The following APBB2 variants were observed in gnomAD, a reference collection of about 807,000 sequenced individuals.
APBB2 encodes the protein amyloid beta precursor protein binding family B member 2.
Under a neutral mutation model 82.5 loss-of-function variants are expected in APBB2, and 38 were observed. That is an observed-to-expected ratio of 0.46 (90% CI 0.36 to 0.60). The LOEUF is 0.60. Ranked by LOEUF, APBB2 falls within the 20% of genes least tolerant of loss-of-function variation. APBB2 has a pLI of 0.00. For synonymous variants in APBB2, 341 were observed against 368.2 expected (o/e 0.93, Z 0.85); for missense variants, 772 against 972.3 (o/e 0.79, Z 2.74).
chr4:41,083,660 C>T (rs2153937861), intron 3 of APBB2, among the ~76,000 whole-genome samples: 1 of 124,542 alleles, frequency 8.0e-6, no homozygotes, highest in East Asian at 2.3e-4. Context: ...TGCACTCCAG[C>T]CTGGAGACAG....
intron 1 of APBB2, among the ~76,000 whole-genome samples, chr4:41,160,265 AAGCCCAT>A (rs1309720812): frequency 3.9e-5 from 6 of 152,190 alleles, no homozygotes; most frequent in African/African-American, 1.4e-4. Flanking sequence ...GAAATGACGG[AAGCCCAT>A]AGCTTATGAA....
intron 6 of APBB2, among the ~76,000 whole-genome samples, chr4:40,976,986 C>A (rs768733009): frequency 5.3e-5 from 8 of 152,070 alleles, no homozygotes; most frequent in Admixed American, 4.6e-4. Flanking sequence ...GAGGTCGAGG[C>A]TACAGTGAGC....
At chr4:40,818,770 T>A (rs4861316) in intron 17 of APBB2, among the ~76,000 whole-genome samples, 30,728 of 152,110 alleles carry the variant, frequency 0.2, 3,554 homozygotes, top group East Asian at 0.36. Context: ...AGATAACAAG[T>A]GTTCAACGCC....
chr4:41,079,782 C>T (rs1226636606), intron 3 of APBB2, among the ~76,000 whole-genome samples: 1 of 152,090 alleles, frequency 6.6e-6, no homozygotes, highest in African/African-American at 2.4e-5. Context: ...CTCTTGACCT[C>T]GTGATCCACC....
chr4:41,082,149 T>C (rs1737864161), intron 3 of APBB2, among the ~76,000 whole-genome samples: 1 of 152,226 alleles, frequency 6.6e-6, no homozygotes, highest in South Asian at 2.1e-4. Flanking sequence ...GGGGCCATTT[T>C]CTGTCAGATA....
chr4:41,201,510 A>C (rs1313448393), intron 1 of APBB2, among the ~76,000 whole-genome samples: 6 of 152,244 alleles, frequency 3.9e-5, no homozygotes, highest in Non-Finnish European at 8.8e-5. Context: ...TTCACATGTT[A>C]TCACAGTAAA....
At chr4:41,000,737 T>A (rs568410134) in intron 6 of APBB2, among the ~76,000 whole-genome samples, 4 of 152,124 alleles carry the variant, frequency 2.6e-5, no homozygotes, top group Non-Finnish European at 1.5e-5. Context: ...CATTCCAGAT[T>A]ATTACCAATC....
chr4:41,160,770 T>TA (rs1450234129), intron 1 of APBB2, among the ~76,000 whole-genome samples: 1 of 152,164 alleles, frequency 6.6e-6, no homozygotes, highest in Non-Finnish European at 1.5e-5. Flanking sequence ...CAAATGTGCT[T>TA]AAACCTCAAC....
chr4:40,867,177 C>G (rs1331149026), intron 12 of APBB2, among the ~76,000 whole-genome samples: 1 of 152,156 alleles, frequency 6.6e-6, no homozygotes, highest in African/African-American at 2.4e-5. Context: ...GGTGCTTTTG[C>G]CTACCATGGC....
intron 2 of APBB2, among the ~76,000 whole-genome samples, chr4:41,119,082 C>T (rs1752008273): frequency 6.6e-6 from 1 of 151,650 alleles, no homozygotes; most frequent in Admixed American, 6.6e-5. Context: ...GAGGCTGCGG[C>T]AAACCGAGAT....
chr4:41,186,259 T>C (rs954415130), intron 1 of APBB2, among the ~76,000 whole-genome samples: 1 of 152,218 alleles, frequency 6.6e-6, no homozygotes, highest in Admixed American at 6.5e-5. Flanking sequence ...CTATGTTTTT[T>C]TAAAGAGCAG....
chr4:41,146,825 T>C (rs1305559081), intron 1 of APBB2, among the ~76,000 whole-genome samples: 1 of 152,120 alleles, frequency 6.6e-6, no homozygotes, highest in East Asian at 1.9e-4. Context: ...TTCCCGACTG[T>C]GCATCAGGGC....
intron 4 of APBB2, among the ~76,000 whole-genome samples, chr4:41,050,662 T>C (rs902290216): frequency 8.6e-5 from 13 of 151,960 alleles, no homozygotes; most frequent in African/African-American, 2.9e-4. Flanking sequence ...TTACTAACCA[T>C]GCACAATTAG....
At chr4:41,100,306 C>T (rs1169726171) in intron 3 of APBB2, among the ~76,000 whole-genome samples, 6 of 152,196 alleles carry the variant, frequency 3.9e-5, no homozygotes, top group Non-Finnish European at 8.8e-5. Flanking sequence ...GCTCAGACAA[C>T]TGGACTCACT....
chr4:40,860,314 C>T (rs995462592), intron 12 of APBB2, among the ~76,000 whole-genome samples: 3 of 152,188 alleles, frequency 2.0e-5, no homozygotes, highest in African/African-American at 4.8e-5. Context: ...ATCAGCTCCA[C>T]CTCTGGAGGG....
intron 10 of APBB2, among the ~76,000 whole-genome samples, chr4:40,901,810 C>G (rs573318503): frequency 2.0e-5 from 3 of 152,014 alleles, no homozygotes; most frequent in African/African-American, 7.2e-5. Flanking sequence ...CCACCGCGCT[C>G]GGCCACACTT....
chr4:40,906,477 A>C (rs975355538), intron 10 of APBB2, among the ~76,000 whole-genome samples: 3 of 150,604 alleles, frequency 2.0e-5, no homozygotes, highest in Non-Finnish European at 4.4e-5. Flanking sequence ...AAAAAAAAAA[A>C]AAAAAAAAAA....
chr4:40,956,837 T>TTGTCTATTTTTATCAAGCATGTTGGCATA (rs1791754671), intron 6 of APBB2, among the ~76,000 whole-genome samples: 1 of 152,174 alleles, frequency 6.6e-6, no homozygotes, highest in African/African-American at 2.4e-5. Flanking sequence ...ATTACATACT[T>TTGTCTATTTTTATCAAGCATGTTGGCATA]TGTCTATTTT....
intron 3 of APBB2, among the ~76,000 whole-genome samples, chr4:41,086,827 T>TA (rs532989856): frequency 8.0e-5 from 12 of 149,240 alleles, no homozygotes; most frequent in East Asian, 3.9e-4. Context: ...GCAACTTGGC[T>TA]AAAAAAAAAA....
Sources: allele counts gnomAD v4.1 joint callset (sites outside exome capture counted in the v4.1 genomes callset), GRCh38; gene constraint gnomAD v4.1.1; transcripts MANE v1.5; gene names NCBI Gene and HGNC (gene_info 2026-07-23, HGNC 2026-07-21).